RADIL: variants seen among roughly 807,000 people sequenced by gnomAD.
The protein encoded by RADIL is ras-associating and dilute domain-containing protein.
Under a neutral mutation model 97.6 loss-of-function variants are expected in RADIL, and 99 were observed. That is an observed-to-expected ratio of 1.01 (90% CI 0.86 to 1.20). The LOEUF (loss-of-function observed/expected upper bound fraction) is 1.20. RADIL is among the 50% of genes most tolerant of loss of function. The pLI, the probability that RADIL is intolerant of heterozygous loss-of-function variation, is 0.00. For synonymous variants in RADIL, 803 were observed against 691.8 expected, an observed-to-expected ratio of 1.16 and a Z score of -2.52; for missense variants, 1,765 against 1,498.9, an observed-to-expected ratio of 1.18 and a Z score of -2.93.
chr7:4,836,711 G>A, intron 2 of RADIL, 106 bp from the exon 3 acceptor site: 1 of 1,467,102 alleles, frequency 6.8e-7, no homozygotes, highest in Non-Finnish European at 9.2e-7. Context: ...GCCGAGGTGG[G>A]GGGATCGCCT....
At chr7:4,855,327 GA>G (rs1562451402) in intron 2 of RADIL, among the ~76,000 whole-genome samples, 2 of 152,080 alleles carry the variant, frequency 1.3e-5, no homozygotes, top group Non-Finnish European at 2.9e-5. Flanking sequence ...AGGTAAACTA[GA>G]AGGTGTGTAG....
chr7:4,805,307 T>C (rs1782264925), intron 10 of RADIL: 1 of 428,818 alleles, frequency 2.3e-6, no homozygotes, highest in East Asian at 3.3e-5. Context: ...CGAGGGGGCC[T>C]TGGACCTGAG....
rs1314280977 is a variant in RADIL at position 4,799,498 on chromosome 7, A to AGAGGTG, written c.3123-21_3123-16dup. On this transcript the variant is annotated splice_polypyrimidine_tract_variant and intron_variant, in intron 14 of 14. Coordinates refer to ENST00000399583, the MANE Select transcript of RADIL (RefSeq NM_018059.5). ...GGTCCACAGCTCTGAAATCCATGCC[A>AGAGGTG]GAGGTGGGGGTGGGCAGGAGGGCAC... 3 of 1,613,562 alleles carry AGAGGTG rather than the reference A, an allele frequency of 1.9e-6. No individual in the cohort carries two copies. Among genetic ancestry groups the AGAGGTG allele is most frequent in the Non-Finnish European group, 2.5e-6 (3 of 1,179,886 alleles).
At chr7:4,827,526 T>TGG in intron 5 of RADIL, among the ~76,000 whole-genome samples, 1 of 151,974 alleles carries the variant, frequency 6.6e-6, no homozygotes, top group Non-Finnish European at 1.5e-5. Context: ...CCGGGCGTGG[T>TGG]TGCAGGCGCC....
chr7:4,818,115 G>T lies in RADIL; in HGVS notation c.1616-764C>A, dbSNP rs138632504. ...ACCACAGTGGTGTTCCCTGTCAGCCGCGTGGGCGGCCACAGCTCCCCTCCT... is the reference window on the plus strand; with the variant it reads ...ACCACAGTGGTGTTCCCTGTCAGCCTCGTGGGCGGCCACAGCTCCCCTCCT... On this transcript the variant is annotated intron_variant, in intron 6 of 14. Coordinates refer to ENST00000399583, the MANE Select transcript of RADIL (RefSeq NM_018059.5). The surrounding 1 kb of genome is among the most constrained non-coding windows in gnomAD (Gnocchi z 7.1). Among the ~76,000 whole-genome samples, 3 of 152,184 alleles carry T rather than the reference G, an allele frequency of 2.0e-5. No homozygotes were observed. The highest frequency in any genetic ancestry group is 6.5e-5 in the Admixed American group (1 of 15,284).
chr7:4,810,081 G>A (rs924375708), intron 9 of RADIL, among the ~76,000 whole-genome samples: 25 of 152,176 alleles, frequency 1.6e-4, no homozygotes, highest in Admixed American at 9.8e-4. Context: ...TCGAACTCCT[G>A]ACCTCAGGTG....
intron 2 of RADIL, chr7:4,861,795 C>A: frequency 6.9e-7 from 1 of 1,440,332 alleles, no homozygotes; most frequent in East Asian, 2.5e-5. Context: ...TGGGTTGTCA[C>A]CGGAAACGGC....
At chr7:4,860,757 T>C (rs1204735379) in intron 2 of RADIL, 2 of 1,614,034 alleles carry the variant, frequency 1.2e-6, no homozygotes, top group Admixed American at 1.7e-5. Context: ...CTTAGCAAAA[T>C]CTCGTGTGTG....
intron 10 of RADIL, 106 bp from the exon 11 acceptor site, chr7:4,803,860 C>G (rs2115160810): frequency 1.0e-6 from 1 of 995,670 alleles, no homozygotes; most frequent in East Asian, 2.6e-5. Flanking sequence ...AGATTGAGCC[C>G]TGAGTCCCCT....
chr7:4,881,905 G>C (rs567994616), intron 1 of RADIL, among the ~76,000 whole-genome samples: 1 of 152,178 alleles, frequency 6.6e-6, no homozygotes, highest in South Asian at 2.1e-4. Flanking sequence ...CTCCTCCCAG[G>C]GTCTTAGAAG....
chr7:4,866,651 C>G (rs954296629), intron 2 of RADIL, among the ~76,000 whole-genome samples: 15 of 152,170 alleles, frequency 9.9e-5, no homozygotes, highest in Non-Finnish European at 1.9e-4. Flanking sequence ...ACACTCCACT[C>G]CACTGCAATG....
At position 4,870,427 on chromosome 7, in the gene RADIL, G is replaced by A. The variant is rs569261273; in HGVS notation, c.535+7178C>T. Among the ~76,000 whole-genome samples, 5 of 152,074 alleles carry A rather than the reference G, an allele frequency of 3.3e-5. 1 individual carries two copies. The highest frequency in any genetic ancestry group is 2.1e-4 in the South Asian group (1 of 4,826). On this transcript the variant is annotated intron_variant, in intron 2 of 14. Transcript: ENST00000399583. The stretch of plus-strand genomic sequence containing the variant: ...CTGTTGGGAACCAACAGATATTAAC[G>A]TGGTTTTTTGTTTTGTTTTGTTTTG...
At position 4,800,085 on chromosome 7, in the gene RADIL, G is replaced by C; in HGVS notation, c.2982+86C>G. On this transcript the variant is annotated intron_variant, in intron 13 of 14. Transcript: ENST00000399583. ...CCGAAGGCCTTCCTGTAGCCACGTG[G>C]CCACGCAAGCTGCGGCCAGGCTTGC... 2.0e-6 allele frequency: 3 copies of C among 1,496,078 alleles called. 1 individual carries two copies. Among genetic ancestry groups the C allele is most frequent in the Non-Finnish European group, 2.7e-6 (3 of 1,129,356 alleles). The allele number at this position is 1,496,078 out of a possible 1,614,324, so 92.7% of individuals were successfully genotyped here.
rs186786178 is a variant in RADIL, at chr7:4,804,517, C to T, written c.2291-763G>A. ...ATAATGCACCCCTGGCCGGGGGTGG[C>T]GGCTCACGCCTGTAATCCCAGCACT... On this transcript the variant is annotated intron_variant, in intron 10 of 14. Coordinates refer to ENST00000399583, the MANE Select transcript of RADIL (RefSeq NM_018059.5). 2.2e-3 allele frequency among the ~76,000 whole-genome samples: 338 copies of T among 152,274 alleles called. 2 individuals are homozygous for T. Among genetic ancestry groups the T allele is most frequent in the African/African-American group, 7.6e-3 (315 of 41,564 alleles).
intron 2 of RADIL, among the ~76,000 whole-genome samples, chr7:4,838,469 T>G (rs532856502): frequency 1.3e-5 from 2 of 152,090 alleles, no homozygotes; most frequent in South Asian, 4.2e-4. Flanking sequence ...TGGCCACAAA[T>G]GCGGCACGGG....
Position 4,860,217 on chromosome 7 carries a change from T to C in RADIL, c.535+17388A>G, listed in dbSNP as rs1375681126. 1.9e-6 allele frequency: 3 copies of C among 1,613,892 alleles called. No homozygotes were observed. The highest frequency in any genetic ancestry group is 1.7e-6 in the Non-Finnish European group (2 of 1,179,902). ...GTAGATGAAGGCACAGACATGCTGT[T>C]TTCACAGCCTGCAGACAAGTCAAAG... is the stretch of plus-strand genomic sequence containing the variant. On this transcript the variant is annotated intron_variant, in intron 2 of 14. Coordinates refer to ENST00000399583, the MANE Select transcript of RADIL (RefSeq NM_018059.5).
Position 4,824,190 on chromosome 7 carries a change from C to T in RADIL, c.1455-1636G>A, listed in dbSNP as rs1054256200. ...GGCTGGCCCGGGTACCCCTTGTCAC[C>T]TGTGTCCCTTACTGGGGGGATTCTA... On this transcript the variant is annotated intron_variant, in intron 5 of 14. Coordinates refer to ENST00000399583, the MANE Select transcript of RADIL (RefSeq NM_018059.5). This position sits in a 1 kb window ranked among gnomAD's most constrained non-coding sequence, Gnocchi z 6.7. Among the ~76,000 whole-genome samples the T allele has an allele frequency of 1.3e-5, 2 of 152,226 alleles. No homozygotes were observed. Among genetic ancestry groups the T allele is most frequent in the Non-Finnish European group, 2.9e-5 (2 of 68,042 alleles).
intron 9 of RADIL, chr7:4,808,503 G>A (rs1159624117): frequency 5.6e-6 from 5 of 886,976 alleles, no homozygotes; most frequent in Non-Finnish European, 6.8e-6. Context: ...AGCTAGAAAT[G>A]GTTTTCACGT....
rs373855137 is a variant in RADIL at position 4,880,611 on chromosome 7, C to A, written c.-64-2408G>T. ...GAAGCCTCCAGGCAGCACACACTGG[C>A]AGAGGGTCGGCCACCACCTTTTCAT... On this transcript the variant is annotated intron_variant, in intron 1 of 14. Transcript: ENST00000399583. The surrounding 1 kb of genome is among the most constrained non-coding windows in gnomAD (Gnocchi z 4.5). Among the ~76,000 whole-genome samples, 1 of 152,334 alleles carries A rather than the reference C, an allele frequency of 6.6e-6. No homozygotes were observed. Among genetic ancestry groups the A allele is most frequent in the South Asian group, 2.1e-4 (1 of 4,828 alleles).
Sources: allele counts gnomAD v4.1 joint callset (sites outside exome capture counted in the v4.1 genomes callset), GRCh38; gene constraint gnomAD v4.1.1; non-coding constraint Gnocchi (gnomAD v3.1); transcripts MANE v1.5; gene names NCBI Gene and HGNC (gene_info 2026-07-23, HGNC 2026-07-21).